Variants in GALNT13 observed in about 807,000 individuals in gnomAD.
The protein encoded by GALNT13 is polypeptide N-acetylgalactosaminyltransferase 13, also known as UDP-GalNAc:polypeptide N-acetylgalactosaminyltransferase 13.
A neutral mutation model predicts 64.2 loss-of-function variants in GALNT13; 28 were observed. The observed-to-expected ratio is 0.44, with a 90% CI of 0.32 to 0.60. GALNT13 has a LOEUF of 0.60. Among genes scored for constraint, GALNT13 ranks in the 20% least tolerant of loss-of-function variants. GALNT13 has a pLI of 0.05. For missense variants in GALNT13, 577 were observed against 669.8 expected, an observed-to-expected ratio of 0.86 and a Z score of 1.53; for synonymous variants, 214 against 224.6, an observed-to-expected ratio of 0.95 and a Z score of 0.42.
At chr2:154,172,654 GT>G (rs1685424999) in intron 4 of GALNT13, among the ~76,000 whole-genome samples, 2 of 17,614 alleles carry the variant, frequency 1.1e-4, no homozygotes, top group East Asian at 3.9e-3. Flanking sequence ...ATTCTAGAGT[GT>G]GTGTGTGTGT....
At position 153,884,766 on chromosome 2, in the gene GALNT13, A is replaced by AATATATATATATAT. The variant is rs372541314; in HGVS notation, c.-177+12470_-177+12483dup. On this transcript the variant is annotated intron_variant, in intron 1 of 12. Transcript: ENST00000392825. ...AAACCCAGTCTGTACTAAAAATACG[A>AATATATATATATAT]ATATATATATATATATATATGTGTG... Among the ~76,000 whole-genome samples the AATATATATATATAT allele has an allele frequency of 2.2e-3, 259 of 116,340 alleles. 4 individuals are homozygous for AATATATATATATAT. The highest frequency in any genetic ancestry group is 8.4e-3 in the Middle Eastern group (2 of 238). The allele number at this position is 116,340 out of a possible 152,430, so 76.3% of individuals were successfully genotyped here. A position where few individuals can be genotyped will look rare whatever the true frequency, so the allele number is the denominator to read the frequency against.
At chr2:153,601,285 A>G in the GALNT13 span, among the ~76,000 whole-genome samples, 2 of 151,616 alleles carry the variant, frequency 1.3e-5, no homozygotes, top group Non-Finnish European at 2.9e-5. Flanking sequence ...TTGATGTTAC[A>G]TATTCCTGAA....
the GALNT13 span, among the ~76,000 whole-genome samples, chr2:153,769,203 C>T: frequency 3.3e-5 from 5 of 152,224 alleles, no homozygotes; most frequent in African/African-American, 1.2e-4. Context: ...AATTTTTGTA[C>T]TTAAGTGTTA....
the GALNT13 span, among the ~76,000 whole-genome samples, chr2:153,503,337 C>T: frequency 1.3e-5 from 2 of 152,142 alleles, no homozygotes; most frequent in Non-Finnish European, 2.9e-5. Context: ...GAATAGGGTG[C>T]CCTTTCCCCA....
the GALNT13 span, among the ~76,000 whole-genome samples, chr2:153,453,964 C>G: frequency 6.6e-6 from 1 of 152,072 alleles, no homozygotes; most frequent in African/African-American, 2.4e-5. Flanking sequence ...ACATCTTTTG[C>G]AGCAACATGA....
chr2:154,414,602 A>T (rs1469008242), intron 11 of GALNT13, among the ~76,000 whole-genome samples: 1 of 151,852 alleles, frequency 6.6e-6, no homozygotes, highest in Admixed American at 6.6e-5. Context: ...GCATTTAATG[A>T]TTTTAAAAAC....
chr2:153,332,372 T>C, the GALNT13 span, among the ~76,000 whole-genome samples: 1 of 152,184 alleles, frequency 6.6e-6, no homozygotes, highest in Non-Finnish European at 1.5e-5. Flanking sequence ...ATATGCTGTA[T>C]AATTGTTTTC....
At chr2:153,444,264 C>G in the GALNT13 span, among the ~76,000 whole-genome samples, 1 of 152,142 alleles carries the variant, frequency 6.6e-6, no homozygotes, top group African/African-American at 2.4e-5. Flanking sequence ...TAATGTTTAT[C>G]TCCCTCTTAG....
the GALNT13 span, among the ~76,000 whole-genome samples, chr2:153,749,045 A>G: frequency 1.3e-5 from 2 of 152,000 alleles, no homozygotes; most frequent in African/African-American, 4.8e-5. Flanking sequence ...TCTTCTACAT[A>G]TGAATATCCA....
intron 9 of GALNT13, among the ~76,000 whole-genome samples, chr2:154,339,703 G>A (rs770125753): frequency 1.3e-5 from 2 of 152,020 alleles, no homozygotes; most frequent in African/African-American, 2.4e-5. Context: ...AAATGATTAG[G>A]TTTTTTTCAA....
At chr2:153,907,835 T>C (rs1688682890) in intron 2 of GALNT13, among the ~76,000 whole-genome samples, 1 of 152,136 alleles carries the variant, frequency 6.6e-6, no homozygotes, top group South Asian at 2.1e-4. Context: ...TGATTCCATA[T>C]CTTTGTCATT....
chr2:153,765,453 A>G, the GALNT13 span, among the ~76,000 whole-genome samples: 2 of 152,064 alleles, frequency 1.3e-5, no homozygotes, highest in African/African-American at 2.4e-5. Flanking sequence ...ATTTTGGCCA[A>G]TTTCTCCTAT....
At chr2:153,133,580 C>T in the GALNT13 span, among the ~76,000 whole-genome samples, 1 of 152,066 alleles carries the variant, frequency 6.6e-6, no homozygotes, top group Non-Finnish European at 1.5e-5. Flanking sequence ...CGGTTTTTAG[C>T]TGAACTGAGG....
intron 4 of GALNT13, among the ~76,000 whole-genome samples, chr2:154,145,319 A>G (rs2105597262): frequency 6.6e-6 from 1 of 151,814 alleles, no homozygotes; most frequent in African/African-American, 2.4e-5. Flanking sequence ...TCAGCATTAG[A>G]GATTTGTTAG....
chr2:154,350,935 T>C (rs145782682), intron 9 of GALNT13, among the ~76,000 whole-genome samples: 52 of 152,312 alleles, frequency 3.4e-4, no homozygotes, highest in African/African-American at 1.2e-3. Flanking sequence ...AATGTGTTTT[T>C]AAATGCCTGT....
intron 4 of GALNT13, among the ~76,000 whole-genome samples, chr2:154,204,243 A>G (rs973116217): frequency 6.6e-5 from 10 of 152,092 alleles, no homozygotes; most frequent in Non-Finnish European, 2.9e-5. Flanking sequence ...CTCTCTCTCA[A>G]TATATTACCC....
At chr2:153,133,479 GT>G in the GALNT13 span, among the ~76,000 whole-genome samples, 1 of 151,712 alleles carries the variant, frequency 6.6e-6, no homozygotes, top group Admixed American at 6.6e-5. Flanking sequence ...TTGCTTTGCT[GT>G]TTTTTTTCTT....
rs900549388 is a variant in GALNT13 at position 154,242,069 on chromosome 2, A to G, written c.351A>G (p.Thr117=). ...TCTACCCTGATGAACTTCCAAACAC[A>G]AGTGTAGTCATTGTGTTTCATAATG... ...TKVYPDELPN[T]SVVIVFHNEA... Residue 117 remains threonine, a synonymous_variant, in exon 5 of 13, where the codon ACA becomes ACG. Transcript: ENST00000392825. 3.1e-6 allele frequency: 5 copies of G among 1,610,814 alleles called. No homozygotes were observed. Among genetic ancestry groups the G allele is most frequent in the Non-Finnish European group, 4.2e-6 (5 of 1,178,398 alleles).
At chr2:153,673,688 T>A in the GALNT13 span, among the ~76,000 whole-genome samples, 1 of 152,158 alleles carries the variant, frequency 6.6e-6, no homozygotes, top group Non-Finnish European at 1.5e-5. Context: ...TTCAACATAG[T>A]GTTGGAAGTT....
Sources: allele counts gnomAD v4.1 joint callset (sites outside exome capture counted in the v4.1 genomes callset), GRCh38; gene constraint gnomAD v4.1.1; transcripts MANE v1.5; gene names NCBI Gene and HGNC (gene_info 2026-07-23, HGNC 2026-07-21).